Variants in CNKSR2 observed in about 807,000 individuals in gnomAD.
The protein encoded by CNKSR2 is CNK homolog protein 2.
Under a neutral mutation model 84.4 loss-of-function variants are expected in CNKSR2, and 14 were observed. The observed-to-expected ratio is 0.17, with a 90% CI of 0.11 to 0.26. CNKSR2 has a LOEUF of 0.26. Ranked by LOEUF, CNKSR2 falls within the 10% of genes least tolerant of loss-of-function variation. CNKSR2 has a pLI of 1.00. For synonymous variants in CNKSR2, 275 were observed against 277.9 expected, an observed-to-expected ratio of 0.99 and a Z score of 0.10; for missense variants, 485 against 771.2, an observed-to-expected ratio of 0.63 and a Z score of 4.40.
intron 8 of CNKSR2, chrX:21,503,627 G>T (rs1013952048): frequency 6.9e-6 from 1 of 145,161 alleles, no homozygotes; most frequent in Non-Finnish European, 1.3e-5. Context: ...CAACAAAAGA[G>T]GAAGAATCCT....
intron 11 of CNKSR2, among the ~76,000 whole-genome samples, chrX:21,557,358 C>T (rs2092148897): frequency 9.0e-6 from 1 of 110,826 alleles, no homozygotes; most frequent in Admixed American, 9.6e-5. Flanking sequence ...TCTTAAAAAC[C>T]TACTTGCCAT....
At chrX:21,623,889 AAAAT>A (rs2092612002) in intron 20 of CNKSR2, among the ~76,000 whole-genome samples, 1 of 111,868 alleles carries the variant, frequency 8.9e-6, no homozygotes, top group Non-Finnish European at 1.9e-5. Flanking sequence ...AATTCCAGCC[AAAAT>A]TTAGCATGTC....
intron 15 of CNKSR2, 72 bp from the exon 16 acceptor site, chrX:21,594,902 C>A: frequency 1.3e-6 from 1 of 769,405 alleles, no homozygotes; most frequent in Non-Finnish European, 1.9e-6. Flanking sequence ...GATATCTAAG[C>A]CATAGTTACA....
At chrX:21,613,712 G>A (rs1301637395) in intron 20 of CNKSR2, among the ~76,000 whole-genome samples, 2 of 112,184 alleles carry the variant, frequency 1.8e-5, no homozygotes, top group African/African-American at 3.2e-5. Context: ...AGGCCAAGGC[G>A]GAGGATCACT....
intron 5 of CNKSR2, among the ~76,000 whole-genome samples, chrX:21,484,725 A>G (rs1299054949): frequency 8.9e-6 from 1 of 111,954 alleles, no homozygotes; most frequent in African/African-American, 3.2e-5. Flanking sequence ...TATACTTGGA[A>G]GAATAATTGA....
At chrX:21,550,200 A>G (rs2092072713) in intron 11 of CNKSR2, among the ~76,000 whole-genome samples, 1 of 112,290 alleles carries the variant, frequency 8.9e-6, no homozygotes, top group Non-Finnish European at 1.9e-5. Context: ...AGAATCTACA[A>G]GAAACTTAAT....
intron 4 of CNKSR2, among the ~76,000 whole-genome samples, chrX:21,443,961 C>T (rs2147091375): frequency 9.0e-6 from 1 of 111,027 alleles, no homozygotes; most frequent in South Asian, 3.8e-4. Flanking sequence ...TATGAAACAT[C>T]CTCTAAATCT....
chrX:21,427,660 T>C (rs1721875394), intron 2 of CNKSR2: 1 of 112,531 alleles, frequency 8.9e-6, no homozygotes, highest in African/African-American at 3.2e-5. Flanking sequence ...ATTTTCCTTA[T>C]GTCTACTGTA....
chrX:21,409,190 TTTAAATAAAAGAAAACC>T (rs2090304577), intron 1 of CNKSR2, among the ~76,000 whole-genome samples: 1 of 96,612 alleles, frequency 1.0e-5, no homozygotes, highest in African/African-American at 3.7e-5. Context: ...TGAATGATCT[TTTAAATAAAAGAAAACC>T]TTACATAAAA....
At chrX:21,445,935 C>T (rs1393949495) in intron 4 of CNKSR2, among the ~76,000 whole-genome samples, 2 of 111,337 alleles carry the variant, frequency 1.8e-5, no homozygotes, top group Non-Finnish European at 3.8e-5. Flanking sequence ...CTTGGACATA[C>T]CGATTTCCTT....
chrX:21,508,492 C>A (rs1569212361), intron 8 of CNKSR2, among the ~76,000 whole-genome samples: 1 of 112,171 alleles, frequency 8.9e-6, no homozygotes, highest in African/African-American at 3.2e-5. Flanking sequence ...AGCTTTCAGA[C>A]CCATTCAGTT....
At chrX:21,566,637 A>T (rs1265733788) in intron 13 of CNKSR2, among the ~76,000 whole-genome samples, 1 of 111,905 alleles carries the variant, frequency 8.9e-6, no homozygotes. Context: ...ATGTAATCTA[A>T]AGATTTTAAG....
At chrX:21,545,761 G>A (rs1008588262) in intron 11 of CNKSR2, among the ~76,000 whole-genome samples, 1 of 112,052 alleles carries the variant, frequency 8.9e-6, no homozygotes, top group Non-Finnish European at 1.9e-5. Context: ...GCCTCTGCTG[G>A]TGATGATACC....
intron 8 of CNKSR2, among the ~76,000 whole-genome samples, chrX:21,508,220 C>T (rs1167479709): frequency 1.8e-5 from 2 of 111,813 alleles, no homozygotes; most frequent in Non-Finnish European, 3.8e-5. Context: ...GTTCAAACTA[C>T]TCAGGAGGCT....
At chrX:21,530,380 A>G (rs2091874593) in intron 10 of CNKSR2, among the ~76,000 whole-genome samples, 1 of 111,287 alleles carries the variant, frequency 9.0e-6, no homozygotes, top group Non-Finnish European at 1.9e-5. Context: ...AGTTTTCTAC[A>G]TTTGGACAAA....
chrX:21,418,593 C>A (rs1334699611), intron 1 of CNKSR2, among the ~76,000 whole-genome samples: 1 of 111,021 alleles, frequency 9.0e-6, no homozygotes, highest in Non-Finnish European at 1.9e-5. Context: ...TTTCCTTCAT[C>A]ACTTTAAATA....
chrX:21,375,089 G>C, intron 1 of CNKSR2, 128 bp downstream of exon 1: 2 of 575,786 alleles, frequency 3.5e-6, no homozygotes, highest in Non-Finnish European at 6.0e-6. Context: ...CGTACGCGTC[G>C]GGGCGGGGGT....
chrX:21,494,576 G>C (rs2091473735), intron 6 of CNKSR2: 1 of 111,304 alleles, frequency 9.0e-6, no homozygotes, highest in Admixed American at 9.5e-5. Context: ...GCACTAGGGA[G>C]ACTCCCTTTA....
At chrX:21,588,916 T>C in intron 13 of CNKSR2, among the ~76,000 whole-genome samples, 1 of 112,614 alleles carries the variant, frequency 8.9e-6, no homozygotes, top group South Asian at 3.6e-4. Context: ...TCAGTAATTT[T>C]ACCATGAAAC....
Sources: gnomAD v4.1 joint callset for allele counts (sites outside exome capture counted in the v4.1 genomes callset) on GRCh38, gnomAD v4.1.1 for gene constraint, MANE v1.5 for transcripts, NCBI Gene and HGNC (gene_info 2026-07-23, HGNC 2026-07-21) for gene names.